SLC22A15: variants seen among roughly 807,000 people sequenced by gnomAD.
SLC22A15 encodes flipt 1.
A neutral mutation model predicts 62.7 loss-of-function variants in SLC22A15; 45 were observed. The ratio of observed to expected loss-of-function variants is 0.72; its 90% CI spans 0.56 to 0.92. The LOEUF is 0.92. SLC22A15 is among the 40% of genes least tolerant of loss of function. The probability of loss-of-function intolerance (pLI) is 0.00; values close to 1 mark genes in which losing one functional copy is unlikely to be tolerated. For synonymous variants in SLC22A15, 264 were observed against 267.0 expected (o/e 0.99, Z 0.11); for missense variants, 622 against 665.6 (o/e 0.93, Z 0.72).
At chr1:116,057,208 AAG>A (rs1402596997) in intron 8 of SLC22A15, among the ~76,000 whole-genome samples, 1 of 151,832 alleles carries the variant, frequency 6.6e-6, no homozygotes, top group East Asian at 1.9e-4. Context: ...ACAAATTTAC[AAG>A]AAAAAAACAA....
rs184516564 is a variant in SLC22A15, at chr1:115,998,723, A to G, written c.300+6480A>G. On this transcript the variant is annotated intron_variant, in intron 2 of 11. Coordinates refer to ENST00000369503, the MANE Select transcript of SLC22A15 (RefSeq NM_018420.3). ...AAGGTTTATTGGTTTTATCTTTTCA[A>G]AAAAACAACTTTTCATTTTGTTGAT... 1.1e-3 allele frequency among the ~76,000 whole-genome samples: 165 copies of G among 152,010 alleles called. 2 individuals are homozygous for G. Among genetic ancestry groups the G allele is most frequent in the Non-Finnish European group, 9.9e-4 (67 of 67,932 alleles).
rs550197561 is a variant in SLC22A15, at chr1:116,062,904, A to G, written c.1292+22A>G. 27 of 1,611,938 alleles carry G rather than the reference A, an allele frequency of 1.7e-5. No homozygotes were observed. The East Asian group carries it at 5.8e-4, about 35-fold the overall frequency. On this transcript the variant is annotated intron_variant, in intron 9 of 11. Coordinates refer to ENST00000369503, the MANE Select transcript of SLC22A15 (RefSeq NM_018420.3). Reference sequence around the variant, plus strand: ...TCAGGTACGTGTCTCACACAGCCTCATTCTTCACACATTCTACACTTTGTC... The same window carrying G: ...TCAGGTACGTGTCTCACACAGCCTCGTTCTTCACACATTCTACACTTTGTC...
At chr1:116,024,315 G>T (rs1656986550) in intron 4 of SLC22A15, among the ~76,000 whole-genome samples, 2 of 152,136 alleles carry the variant, frequency 1.3e-5, no homozygotes, top group Admixed American at 1.3e-4. Flanking sequence ...TTTGAAGATG[G>T]ATTACTGGTA....
Position 116,019,637 on chromosome 1 carries a change from T to A in SLC22A15, c.356T>A (p.Phe119Tyr). The change falls in exon 3 of 12, where the codon TTC becomes TAC. Residue 119 changes from phenylalanine (F) to tyrosine (Y), a missense_variant. Phe to Tyr is a conservative substitution (Grantham distance 22). Coordinates refer to ENST00000369503, the MANE Select transcript of SLC22A15 (RefSeq NM_018420.3). ...GTCAGTGCAGCAAGCTCTTTTTTCT[T>A]CAGTGGTGTATTTGTTGGAGTTATC... Reference protein sequence around the residue: ...YKVSAASSFFFSGVFVGVISF... With the variant: ...YKVSAASSFFYSGVFVGVISF... The A allele has an allele frequency of 6.2e-7, 1 of 1,613,460 alleles. No individual in the cohort carries two copies. The highest frequency in any genetic ancestry group is 1.1e-5 in the South Asian group (1 of 90,942).
In SLC22A15 at chr1:116,019,618, G is replaced by A; in HGVS notation, c.337G>A (p.Ala113Thr). The A allele has an allele frequency of 6.2e-7, 1 of 1,612,624 alleles. No homozygotes were observed. Among genetic ancestry groups the A allele is most frequent in the Non-Finnish European group, 8.5e-7 (1 of 1,179,488 alleles). The change falls in exon 3 of 12, where the codon GCA becomes ACA. Residue 113 changes from alanine to threonine, a missense_variant. By Grantham distance (58) the Ala-to-Thr change is moderately conservative. Transcript: ENST00000369503. ...LIANRSYKVS[A>T]ASSFFFSGVF... ...TGCCAACAGATCCTACAAAGTCAGT[G>A]CAGCAAGCTCTTTTTTCTTCAGTGG... is the stretch of plus-strand genomic sequence containing the variant.
chr1:116,019,325 A>G (rs1656701740), intron 2 of SLC22A15, among the ~76,000 whole-genome samples: 3 of 152,368 alleles, frequency 2.0e-5, no homozygotes, highest in East Asian at 3.9e-4. Flanking sequence ...GTAATTAGCT[A>G]TTATACATTG....
intron 8 of SLC22A15, among the ~76,000 whole-genome samples, chr1:116,054,267 A>G (rs1658139503): frequency 6.6e-6 from 1 of 151,998 alleles, no homozygotes; most frequent in South Asian, 2.1e-4. Flanking sequence ...AGTCTCTGAT[A>G]AAACAGACTA....
chr1:116,032,221 G>T (rs549117755), intron 6 of SLC22A15: 58 of 985,316 alleles, frequency 5.9e-5, no homozygotes, highest in Non-Finnish European at 6.7e-5. Flanking sequence ...TGCTCTCAGC[G>T]TGAGTGTAAG....
chr1:116,066,054 C>T (rs548505068), intron 10 of SLC22A15, among the ~76,000 whole-genome samples: 10 of 152,224 alleles, frequency 6.6e-5, no homozygotes, highest in African/African-American at 2.2e-4. Context: ...CTCTCAGTTA[C>T]GGTCTTAAGG....
At chr1:116,022,447 G>A (rs1466622638) in intron 4 of SLC22A15, among the ~76,000 whole-genome samples, 1 of 152,156 alleles carries the variant, frequency 6.6e-6, no homozygotes, top group Non-Finnish European at 1.5e-5. Flanking sequence ...TTGTGCTCAT[G>A]TAGAGCACCA....
At chr1:116,061,001 G>A (rs10923969) in intron 8 of SLC22A15, among the ~76,000 whole-genome samples, 17,258 of 152,000 alleles carry the variant, frequency 0.11, 1,516 homozygotes, top group African/African-American at 0.24. Context: ...TTTGGACTGG[G>A]GCATGTCTAT....
chr1:115,982,944 T>C (rs1654685570), intron 1 of SLC22A15, among the ~76,000 whole-genome samples: 1 of 152,258 alleles, frequency 6.6e-6, no homozygotes, highest in South Asian at 2.1e-4. Flanking sequence ...AATCCATCAG[T>C]TATTTCTAAT....
chr1:116,042,463 T>C (rs1246518470), intron 8 of SLC22A15, among the ~76,000 whole-genome samples: 2 of 151,614 alleles, frequency 1.3e-5, no homozygotes, highest in African/African-American at 4.8e-5. Flanking sequence ...ACAAAAAAAT[T>C]GAATAAAAAA....
intron 2 of SLC22A15, among the ~76,000 whole-genome samples, chr1:116,012,422 G>GA (rs57306461): frequency 6.6e-6 from 1 of 151,598 alleles, no homozygotes; most frequent in Non-Finnish European, 1.5e-5. Context: ...CCCTTAAAAA[G>GA]AAAAAAAAGA....
chr1:116,064,016 G>C (rs1376038679), intron 9 of SLC22A15, among the ~76,000 whole-genome samples: 6 of 152,146 alleles, frequency 3.9e-5, no homozygotes, highest in African/African-American at 1.4e-4. Context: ...CTGGCAGTCT[G>C]TAGGAGATCT....
intron 6 of SLC22A15, chr1:116,032,135 C>T: frequency 1.0e-6 from 1 of 985,356 alleles, no homozygotes; most frequent in Non-Finnish European, 1.2e-6. Context: ...ATATGTAAAT[C>T]AGTGATTGAA....
chr1:116,020,038 C>T (rs1224809990), intron 3 of SLC22A15, among the ~76,000 whole-genome samples: 1 of 152,096 alleles, frequency 6.6e-6, no homozygotes, highest in East Asian at 1.9e-4. Flanking sequence ...GTGTACTAGG[C>T]CCATTTCCTT....
intron 2 of SLC22A15, among the ~76,000 whole-genome samples, chr1:116,005,054 T>G (rs1655909975): frequency 6.6e-6 from 1 of 152,228 alleles, no homozygotes. Context: ...TTTGTGTCTT[T>G]TTTTCTTATT....
intron 8 of SLC22A15, among the ~76,000 whole-genome samples, chr1:116,045,738 CAAA>C (rs34360597): frequency 4.2e-3 from 422 of 101,662 alleles, no homozygotes; most frequent in Non-Finnish European, 6.4e-3. Flanking sequence ...GACTCCATCT[CAAA>C]AAAAAAAAAA....
Sources: gnomAD v4.1 joint callset for allele counts (sites outside exome capture counted in the v4.1 genomes callset) on GRCh38, gnomAD v4.1.1 for gene constraint, MANE v1.5 for transcripts, NCBI Gene and HGNC (gene_info 2026-07-23, HGNC 2026-07-21) for gene names.